CHL1: variants seen among roughly 807,000 people sequenced by gnomAD.
The protein encoded by CHL1 is neural cell adhesion molecule L1-like protein.
Under a neutral mutation model 141.9 loss-of-function variants are expected in CHL1, and 96 were observed. The observed-to-expected ratio is 0.68, with a 90% CI of 0.57 to 0.80. The LOEUF is 0.80. CHL1 is among the 30% of genes least tolerant of loss of function. CHL1 has a pLI of 0.00. For missense variants in CHL1, 1,820 were observed against 1,457.2 expected (o/e 1.25, Z -4.05); for synonymous variants, 613 against 502.2 (o/e 1.22, Z -2.95).
intron 16 of CHL1, among the ~76,000 whole-genome samples, chr3:379,761 A>C (rs1381390067): frequency 6.6e-6 from 1 of 152,320 alleles, no homozygotes; most frequent in South Asian, 2.1e-4. Flanking sequence ...TTACAGAATA[A>C]AAATAAAAAT....
In CHL1 at chr3:252,464, C is replaced by T. The variant is rs552238352; in HGVS notation, c.-95+7772C>T. Among the ~76,000 whole-genome samples, 10 of 142,158 alleles carry T rather than the reference C, an allele frequency of 7.0e-5. No individual in the cohort carries two copies. The Admixed American group carries it at 7.4e-4, about 10-fold the overall frequency. 93.3% of individuals were successfully genotyped at this position (142,158 alleles called of 152,430 possible). A position where few individuals can be genotyped will look rare whatever the true frequency, so the allele number is the denominator to read the frequency against. On this transcript the variant is annotated intron_variant, in intron 2 of 27. Coordinates refer to ENST00000256509, the MANE Select transcript of CHL1 (RefSeq NM_006614.4). ...ATTAATAAATATTCTTAAGTGCTTT[C>T]ATATTTATCTTTATTTTTACCTTAG... is the stretch of plus-strand genomic sequence containing the variant.
chr3:350,873 G>T (rs1021759425), intron 10 of CHL1, among the ~76,000 whole-genome samples: 4 of 152,174 alleles, frequency 2.6e-5, no homozygotes, highest in African/African-American at 9.7e-5. Flanking sequence ...TATTCACAAA[G>T]AAATTCAAGG....
chr3:363,094 C>A (rs570720013), intron 13 of CHL1, 123 bp from the exon 14 acceptor site: 12 of 734,034 alleles, frequency 1.6e-5, no homozygotes, highest in South Asian at 1.1e-4. Flanking sequence ...CCCACTGGAA[C>A]ATTTCATGAG....
intron 2 of CHL1, among the ~76,000 whole-genome samples, chr3:307,849 G>C (rs1300983789): frequency 6.6e-6 from 1 of 152,062 alleles, no homozygotes; most frequent in Non-Finnish European, 1.5e-5. Context: ...TATACTTATG[G>C]GGTACATTAA....
At chr3:314,329 G>GTATGTATATATATA (rs1699996403) in intron 2 of CHL1, among the ~76,000 whole-genome samples, 2 of 65,340 alleles carry the variant, frequency 3.1e-5, no homozygotes, top group African/African-American at 5.3e-5. Context: ...CTCTCTATGT[G>GTATGTATATATATA]TATATATATA....
At chr3:331,889 T>A (rs1701471337) in intron 5 of CHL1, among the ~76,000 whole-genome samples, 1 of 152,186 alleles carries the variant, frequency 6.6e-6, no homozygotes, top group Admixed American at 6.5e-5. Flanking sequence ...AAGCATTTGA[T>A]CCTACCCAAT....
At chr3:223,961 A>G (rs1174906690) in intron 1 of CHL1, among the ~76,000 whole-genome samples, 1 of 152,176 alleles carries the variant, frequency 6.6e-6, no homozygotes, top group Non-Finnish European at 1.5e-5. Flanking sequence ...GGCCTGCCCA[A>G]ATGCAAGAGT....
At chr3:205,268 G>A (rs1479311186) in intron 1 of CHL1, among the ~76,000 whole-genome samples, 1 of 151,862 alleles carries the variant, frequency 6.6e-6, no homozygotes, top group East Asian at 1.9e-4. Context: ...GCACCATCAT[G>A]TCTGGCTAAT....
In CHL1 at chr3:210,190, G is replaced by C. The variant is rs144595719; in HGVS notation, c.-175+13127G>C. ...AATGATGAAAAATATTCTGAATGTA[G>C]CAAAGTAACAATTTGTGTAAAATGT... On this transcript the variant is annotated intron_variant, in intron 1 of 27. Coordinates refer to ENST00000256509, the MANE Select transcript of CHL1 (RefSeq NM_006614.4). Among the ~76,000 whole-genome samples the C allele has an allele frequency of 1.2e-4, 18 of 152,348 alleles. No homozygotes were observed. The East Asian group carries it at 3.5e-3, about 29-fold the overall frequency.
At chr3:405,060 G>A (rs1246415189) in intron 27 of CHL1, among the ~76,000 whole-genome samples, 1 of 151,936 alleles carries the variant, frequency 6.6e-6, no homozygotes, top group African/African-American at 2.4e-5. Flanking sequence ...CATTCACTAG[G>A]GTTCCACCCT....
chr3:334,949 A>G (rs162586), intron 5 of CHL1, among the ~76,000 whole-genome samples: 16,074 of 152,332 alleles, frequency 0.11, 1,049 homozygotes, highest in Non-Finnish European at 0.15. Context: ...AAAAGAATGA[A>G]TAAAAGTAAC....
intron 1 of CHL1, among the ~76,000 whole-genome samples, chr3:240,744 C>G (rs918790681): frequency 6.6e-6 from 1 of 150,868 alleles, no homozygotes; most frequent in Non-Finnish European, 1.5e-5. Flanking sequence ...ATATTTAAGT[C>G]CATGATCCCT....
At chr3:322,651 T>TATATATATATATATAAA (rs1553564810) in intron 3 of CHL1, among the ~76,000 whole-genome samples, 2 of 77,608 alleles carry the variant, frequency 2.6e-5, no homozygotes, top group African/African-American at 1.3e-4. Context: ...ATAAAATATA[T>TATATATATATATATAAA]ATATATATAT....
Position 382,630 on chromosome 3 carries a change from A to C in CHL1, c.2135A>C (p.Gln712Pro). Reference sequence around the variant, plus strand: ...GCCGTGAACGAAGTAGGGAGAAGTCAGCCTAGCCAGCCGTCAGACCATCAT... The same window carrying C: ...GCCGTGAACGAAGTAGGGAGAAGTCCGCCTAGCCAGCCGTCAGACCATCAT... The part of the protein sequence containing the change: ...VIAVNEVGRS[Q>P]PSQPSDHHET... The change falls in exon 18 of 28, where the codon CAG (glutamine) becomes CCG (proline). Residue 712 changes from glutamine to proline, a missense_variant. Transcript: ENST00000256509. 3 of 1,613,842 alleles carry C rather than the reference A, an allele frequency of 1.9e-6. No homozygotes were observed. The highest frequency in any genetic ancestry group is 2.5e-6 in the Non-Finnish European group (3 of 1,179,860).
intron 5 of CHL1, among the ~76,000 whole-genome samples, chr3:337,474 A>T (rs535806030): frequency 6.6e-6 from 1 of 151,836 alleles, no homozygotes; most frequent in Non-Finnish European, 1.5e-5. Flanking sequence ...CCATTAACTC[A>T]TCATTTACAT....
chr3:359,455 A>T (rs755903463), intron 11 of CHL1, among the ~76,000 whole-genome samples: 1 of 151,994 alleles, frequency 6.6e-6, no homozygotes, highest in Non-Finnish European at 1.5e-5. Flanking sequence ...GGAGTGCACC[A>T]CCACACCTGG....
At chr3:346,895 T>C (rs1319558325) in intron 9 of CHL1, among the ~76,000 whole-genome samples, 1 of 152,214 alleles carries the variant, frequency 6.6e-6, no homozygotes, top group Non-Finnish European at 1.5e-5. Context: ...TATTTGGGTC[T>C]TTGAAAACTA....
chr3:381,514 A>G lies in CHL1; in HGVS notation c.1877-665A>G, dbSNP rs73105044. Among the ~76,000 whole-genome samples, 843 of 152,322 alleles carry G rather than the reference A, an allele frequency of 5.5e-3. 9 individuals carry two copies. Among genetic ancestry groups the G allele is most frequent in the African/African-American group, 0.02 (811 of 41,574 alleles). Reference sequence around the variant, plus strand: ...AGTAAATTTCAGGAGAGCAAATGCTATAGGCAAAATAGTAAATTAGTACAT... The same window carrying G: ...AGTAAATTTCAGGAGAGCAAATGCTGTAGGCAAAATAGTAAATTAGTACAT... On this transcript the variant is annotated intron_variant, in intron 16 of 27. Coordinates refer to ENST00000256509, the MANE Select transcript of CHL1 (RefSeq NM_006614.4).
intron 2 of CHL1, among the ~76,000 whole-genome samples, chr3:294,084 C>G (rs1008403103): frequency 6.6e-6 from 1 of 151,734 alleles, no homozygotes; most frequent in Non-Finnish European, 1.5e-5. Flanking sequence ...TTTGGGAGGC[C>G]GAGGCAGGCA....
Sources: allele counts gnomAD v4.1 joint callset (sites outside exome capture counted in the v4.1 genomes callset), GRCh38; gene constraint gnomAD v4.1.1; transcripts MANE v1.5; gene names NCBI Gene and HGNC (gene_info 2026-07-23, HGNC 2026-07-21).